ITGB3BP: variants seen among roughly 807,000 people sequenced by gnomAD.
The protein encoded by ITGB3BP is centromere protein R.
Under a neutral mutation model 29.1 loss-of-function variants are expected in ITGB3BP, and 27 were observed. The ratio of observed to expected loss-of-function variants is 0.93; its 90% CI spans 0.68 to 1.28. The LOEUF (loss-of-function observed/expected upper bound fraction) is 1.28, where lower values mean the gene tolerates loss of function less well. Ranked by LOEUF, ITGB3BP falls within the 50% of genes most tolerant of loss-of-function variation. The pLI, the probability that ITGB3BP is intolerant of heterozygous loss-of-function variation, is 0.00. For synonymous variants in ITGB3BP, 61 were observed against 61.4 expected (o/e 0.99, Z 0.03); for missense variants, 192 against 200.2 (o/e 0.96, Z 0.25).
intron 7 of ITGB3BP, among the ~76,000 whole-genome samples, chr1:63,448,336 T>TAA (rs528386529): frequency 7.5e-6 from 1 of 133,022 alleles, no homozygotes; most frequent in African/African-American, 2.8e-5. Context: ...TAATAAAAAA[T>TAA]AAAAAAAAAA....
At chr1:63,476,544 T>C (rs1180151953) in intron 4 of ITGB3BP, among the ~76,000 whole-genome samples, 1 of 152,232 alleles carries the variant, frequency 6.6e-6, no homozygotes, top group Non-Finnish European at 1.5e-5. Context: ...CAATGATTCT[T>C]GCTCTTCCCT....
At chr1:63,453,119 G>A (rs142777234) in intron 7 of ITGB3BP, among the ~76,000 whole-genome samples, 236 of 152,150 alleles carry the variant, frequency 1.6e-3, no homozygotes, top group African/African-American at 5.5e-3. Flanking sequence ...TTGTGTCTTC[G>A]TTCCTTGTCT....
At chr1:63,463,346 T>A (rs1014626252) in intron 4 of ITGB3BP, among the ~76,000 whole-genome samples, 2 of 148,978 alleles carry the variant, frequency 1.3e-5, no homozygotes, top group African/African-American at 2.5e-5. Flanking sequence ...GATACAAGAA[T>A]CTACACGTGA....
chr1:63,507,923 C>A lies in ITGB3BP; in HGVS notation c.48+605G>T, dbSNP rs1314122107. 7.2e-4 allele frequency among the ~76,000 whole-genome samples: 109 copies of A among 152,176 alleles called. 1 individual carries two copies. The highest frequency in any genetic ancestry group is 2.2e-4 in the Non-Finnish European group (15 of 67,982). On this transcript the variant is annotated intron_variant, in intron 2 of 8. Transcript: ENST00000271002. ...TCAGTATTAGTGTTTCTATCTAGAT[C>A]CATAGTTGGTATGAAAAGATAATAA...
chr1:63,495,922 G>C (rs1369951072), intron 2 of ITGB3BP, among the ~76,000 whole-genome samples: 3 of 152,070 alleles, frequency 2.0e-5, no homozygotes, highest in Non-Finnish European at 4.4e-5. Flanking sequence ...GAATCTCTCA[G>C]GTAGATTAGG....
chr1:63,463,983 G>C lies in ITGB3BP; in HGVS notation c.255-9015C>G, dbSNP rs1570156427. On this transcript the variant is annotated intron_variant, in intron 4 of 8. Coordinates refer to ENST00000271002, the MANE Select transcript of ITGB3BP (RefSeq NM_014288.5). Reference sequence around the variant, plus strand: ...AAAATAAGAAAAAATAAATGAAACTGCTTAATTTTATGGAAATAAACATAG... The same window carrying C: ...AAAATAAGAAAAAATAAATGAAACTCCTTAATTTTATGGAAATAAACATAG... Among the ~76,000 whole-genome samples, 3 of 151,962 alleles carry C rather than the reference G, an allele frequency of 2.0e-5. No homozygotes were observed. The East Asian group carries it at 5.8e-4, about 29-fold the overall frequency.
intron 4 of ITGB3BP, among the ~76,000 whole-genome samples, chr1:63,463,955 A>T (rs1645061594): frequency 6.6e-6 from 1 of 152,150 alleles, no homozygotes; most frequent in Non-Finnish European, 1.5e-5. Flanking sequence ...TTATCTGTAT[A>T]AAAAAATAAG....
chr1:63,515,825 TAAAAAAAAAAAA>T (rs76881362), intron 1 of ITGB3BP, among the ~76,000 whole-genome samples: 6 of 48,594 alleles, frequency 1.2e-4, no homozygotes, highest in African/African-American at 2.5e-4. Context: ...GACTCCAACT[TAAAAAAAAAAAA>T]AAAAAAAAAA....
At chr1:63,470,321 G>A (rs1645174334) in intron 4 of ITGB3BP, among the ~76,000 whole-genome samples, 1 of 152,190 alleles carries the variant, frequency 6.6e-6, no homozygotes, top group African/African-American at 2.4e-5. Context: ...TCATTTACAT[G>A]AGAGTTTGGG....
intron 8 of ITGB3BP, among the ~76,000 whole-genome samples, chr1:63,441,324 G>A (rs1249756366): frequency 2.6e-5 from 4 of 152,160 alleles, no homozygotes; most frequent in Non-Finnish European, 5.9e-5. Flanking sequence ...TGCAACCTCT[G>A]CCTCCCGTGT....
chr1:63,492,478 TCTAA>T lies in ITGB3BP; in HGVS notation c.49-2264_49-2261del, dbSNP rs556676259. ...TTCCCTCAAGGTTGTACCAAGTTCC[TCTAA>T]CTTTTAATCTCTGAAGAGGTTTAAA... On this transcript the variant is annotated intron_variant, in intron 2 of 8. Transcript: ENST00000271002. Among the ~76,000 whole-genome samples the T allele has an allele frequency of 4.7e-4, 71 of 152,312 alleles. 1 individual carries two copies. Among genetic ancestry groups the T allele is most frequent in the African/African-American group, 1.6e-3 (67 of 41,580 alleles).
At position 63,454,949 on chromosome 1, in the gene ITGB3BP, T is replaced by C. The variant is rs1553159405; in HGVS notation, c.274A>G (p.Lys92Glu). 18 of 1,549,926 alleles carry C rather than the reference T, an allele frequency of 1.2e-5. No homozygotes were observed. The highest frequency in any genetic ancestry group is 1.8e-4 in the Middle Eastern group (1 of 5,710). Residue 92 changes from lysine (K) to glutamate (E), a missense_variant, in exon 5 of 9, where the codon AAA becomes GAA. By Grantham distance (56) the Lys-to-Glu change is moderately conservative. Coordinates refer to ENST00000271002, the MANE Select transcript of ITGB3BP (RefSeq NM_014288.5). The surrounding 1 kb of genome is among the most constrained non-coding windows in gnomAD (Gnocchi z 4.1). ...DNDEFMMLLS[K>E]VEKLSEEIME... ...ATTTCTTCTGACAATTTCTCAACTT[T>C]TGATAGCAACATCATGAATCTAGTA...
intron 4 of ITGB3BP, chr1:63,457,888 G>C (rs1168908383): frequency 6.6e-6 from 1 of 152,114 alleles, no homozygotes; most frequent in African/African-American, 2.4e-5. Flanking sequence ...TAAGAAATCT[G>C]AAGTCTTGGT....
chr1:63,511,199 A>T (rs1646191978), intron 1 of ITGB3BP, among the ~76,000 whole-genome samples: 1 of 152,168 alleles, frequency 6.6e-6, no homozygotes, highest in Non-Finnish European at 1.5e-5. Context: ...ATCATTAGGG[A>T]AATGCAAATC....
intron 2 of ITGB3BP, among the ~76,000 whole-genome samples, chr1:63,508,174 T>A (rs189776844): frequency 6.6e-6 from 1 of 152,204 alleles, no homozygotes; most frequent in Non-Finnish European, 1.5e-5. Context: ...CAGATTATAG[T>A]ATGCAGATTA....
chr1:63,478,682 A>G, intron 4 of ITGB3BP, 82 bp downstream of exon 4: 1 of 672,318 alleles, frequency 1.5e-6, no homozygotes, highest in Non-Finnish European at 2.5e-6. Flanking sequence ...CTACAAATAA[A>G]TGCTTTTAAA....
chr1:63,498,737 C>G (rs1346295684), intron 2 of ITGB3BP, among the ~76,000 whole-genome samples: 2 of 148,674 alleles, frequency 1.3e-5, no homozygotes, highest in Non-Finnish European at 3.0e-5. Flanking sequence ...GGAGAAAAAA[C>G]AACAGATATT....
intron 1 of ITGB3BP, among the ~76,000 whole-genome samples, chr1:63,512,985 G>C (rs1335400480): frequency 1.3e-5 from 2 of 151,952 alleles, no homozygotes; most frequent in Non-Finnish European, 2.9e-5. Flanking sequence ...CCCTCAATTT[G>C]GGCCTATCTG....
In ITGB3BP at chr1:63,515,720, G is replaced by A. The variant is rs909288447; in HGVS notation, c.6-7150C>T. 4.7e-5 allele frequency among the ~76,000 whole-genome samples: 7 copies of A among 149,584 alleles called. No homozygotes were observed. In the East Asian group the frequency reaches 1.4e-3, roughly 30 times the overall value. ...GCATGCTTGTAGTCCCAGCTACTCA[G>A]GAGGCTGAGACAGGAGAATCACTTG... is the stretch of plus-strand genomic sequence containing the variant. On this transcript the variant is annotated intron_variant, in intron 1 of 8. Coordinates refer to ENST00000271002, the MANE Select transcript of ITGB3BP (RefSeq NM_014288.5).
Sources: gnomAD v4.1 joint callset for allele counts (sites outside exome capture counted in the v4.1 genomes callset) on GRCh38, gnomAD v4.1.1 for gene constraint, Gnocchi (gnomAD v3.1) non-coding constraint, MANE v1.5 for transcripts, NCBI Gene and HGNC (gene_info 2026-07-23, HGNC 2026-07-21) for gene names.